Variants in F13A1 observed in about 807,000 individuals in gnomAD.
F13A1 encodes the protein coagulation factor XIII A chain, also known as FSF, A subunit.
F13A1 carries 47 observed loss-of-function variants against 80.1 expected under a neutral mutation model. The ratio of observed to expected loss-of-function variants is 0.59; its 90% CI spans 0.46 to 0.75. The LOEUF (loss-of-function observed/expected upper bound fraction) is 0.75, where lower values mean the gene tolerates loss of function less well. F13A1 is among the 30% of genes least tolerant of loss of function. F13A1 has a pLI of 0.00. For synonymous variants in F13A1, 349 were observed against 344.9 expected, an observed-to-expected ratio of 1.01 and a Z score of -0.13; for missense variants, 817 against 930.4, an observed-to-expected ratio of 0.88 and a Z score of 1.59.
chr6:6,314,314 T>TGCTTTACAAATAATTA (rs1758649733), intron 2 of F13A1, among the ~76,000 whole-genome samples: 1 of 152,154 alleles, frequency 6.6e-6, no homozygotes, highest in Non-Finnish European at 1.5e-5. Flanking sequence ...ATTCTGATTA[T>TGCTTTACAAATAATTA]GTATTTCTGC....
chr6:6,236,091 AAC>A (rs1381289589), intron 6 of F13A1, among the ~76,000 whole-genome samples: 2 of 152,144 alleles, frequency 1.3e-5, no homozygotes, highest in Non-Finnish European at 2.9e-5. Context: ...AAGTCTAGAA[AAC>A]ACAAATCAAT....
intron 8 of F13A1, among the ~76,000 whole-genome samples, chr6:6,203,533 T>C (rs1422759869): frequency 1.3e-5 from 2 of 152,206 alleles, no homozygotes; most frequent in South Asian, 2.1e-4. Context: ...GAAGCATCTA[T>C]GAGTTCTACA....
rs567291589 is a variant in F13A1, at chr6:6,279,694, T to C, written c.320-12885A>G. On this transcript the variant is annotated intron_variant, in intron 3 of 14. Coordinates refer to ENST00000264870, the MANE Select transcript of F13A1 (RefSeq NM_000129.4). ...TTTCCCCCAGCAAATGGCAAGTCTATGGAGCCAAAGCACCATTTGCTCATT... is the reference window on the plus strand; with the variant it reads ...TTTCCCCCAGCAAATGGCAAGTCTACGGAGCCAAAGCACCATTTGCTCATT... Among the ~76,000 whole-genome samples the C allele has an allele frequency of 1.8e-4, 27 of 152,350 alleles. No individual in the cohort carries two copies. In the South Asian group the frequency reaches 5.6e-3, roughly 32 times the overall value.
intron 6 of F13A1, among the ~76,000 whole-genome samples, chr6:6,231,611 T>C (rs563394952): frequency 5.9e-5 from 9 of 152,300 alleles, no homozygotes; most frequent in Admixed American, 4.6e-4. Flanking sequence ...GATCTTTGCC[T>C]AGGCACATTG....
rs57716665 is a variant in F13A1 at position 6,316,078 on chromosome 6, CATATATATATATAT to C, written c.130+2443_130+2456del. ...GTTTGTGTGCTGCTATGTGTGTGTG[CATATATATATATAT>C]ATATATATATATATATATATATATA... On this transcript the variant is annotated intron_variant, in intron 2 of 14. Transcript: ENST00000264870. Among the ~76,000 whole-genome samples, 117 of 34,918 alleles carry C rather than the reference CATATATATATATAT, an allele frequency of 3.4e-3. 4 individuals are homozygous for C. Among genetic ancestry groups the C allele is most frequent in the South Asian group, 8.3e-3 (7 of 840 alleles). The allele number at this position is 34,918 out of a possible 152,430, so 22.9% of individuals were successfully genotyped here.
intron 13 of F13A1, among the ~76,000 whole-genome samples, chr6:6,164,194 A>G (rs1035760762): frequency 4.6e-5 from 7 of 152,176 alleles, no homozygotes; most frequent in Non-Finnish European, 1.0e-4. Flanking sequence ...TGAAAAAAAA[A>G]GCCCATGGAG....
Position 6,222,261 on chromosome 6 carries a change from C to G in F13A1, c.974-90G>C, listed in dbSNP as rs538081400. On this transcript the variant is annotated intron_variant, in intron 7 of 14. Coordinates refer to ENST00000264870, the MANE Select transcript of F13A1 (RefSeq NM_000129.4). Reference sequence around the variant, plus strand: ...ACCCTTCTTGTAGGGGACTTTCTTCCTGACCCAACATGAAAAGCCCTTTGG... The same window carrying G: ...ACCCTTCTTGTAGGGGACTTTCTTCGTGACCCAACATGAAAAGCCCTTTGG... The G allele has an allele frequency of 9.7e-6, 15 of 1,546,202 alleles. No homozygotes were observed. The Admixed American group carries it at 1.2e-4, about 12-fold the overall frequency.
intron 3 of F13A1, among the ~76,000 whole-genome samples, chr6:6,293,657 C>G (rs1758264998): frequency 6.6e-6 from 1 of 151,684 alleles, no homozygotes; most frequent in Non-Finnish European, 1.5e-5. Context: ...CTTCTCTACT[C>G]AGAGCCCAGC....
chr6:6,273,165 G>T (rs553996132), intron 3 of F13A1, among the ~76,000 whole-genome samples: 1 of 152,260 alleles, frequency 6.6e-6, no homozygotes, highest in African/African-American at 2.4e-5. Flanking sequence ...TGCCAGAAAA[G>T]CCCAAACAAA....
chr6:6,290,671 C>T (rs4960186), intron 3 of F13A1, among the ~76,000 whole-genome samples: 31,649 of 152,058 alleles, frequency 0.21, 3,515 homozygotes, highest in Admixed American at 0.28. Flanking sequence ...TCATAGAGAA[C>T]ACACTCTGGG....
chr6:6,173,404 CTTTTCTT>C (rs1177980411), intron 12 of F13A1, among the ~76,000 whole-genome samples: 1 of 144,054 alleles, frequency 6.9e-6, no homozygotes, highest in African/African-American at 2.6e-5. Flanking sequence ...AGCCTCCATT[CTTTTCTT>C]TTTTTTTTTT....
intron 13 of F13A1, among the ~76,000 whole-genome samples, 180 bp downstream of exon 13, chr6:6,167,278 T>C (rs1237509303): frequency 1.3e-5 from 2 of 151,986 alleles, no homozygotes; most frequent in Non-Finnish European, 2.9e-5. Context: ...TGTCTATATA[T>C]AGGGCAGTTT....
chr6:6,318,313 G>A (rs531762155), intron 2 of F13A1, among the ~76,000 whole-genome samples: 3 of 152,248 alleles, frequency 2.0e-5, no homozygotes, highest in African/African-American at 7.2e-5. Flanking sequence ...GAGGTTACAA[G>A]GTCAGTAAGG....
Position 6,145,497 on chromosome 6 carries a change from C to T in F13A1, c.*122G>A, listed in dbSNP as rs1760260676. On this transcript the variant is annotated 3_prime_UTR_variant, in exon 15 of 15. Transcript: ENST00000264870. ...TATGTGGGATCTCCACTCTGGAGCCCTCTGCAGTCCTGTCTGGGTCTTCAC... is the reference window on the plus strand; with the variant it reads ...TATGTGGGATCTCCACTCTGGAGCCTTCTGCAGTCCTGTCTGGGTCTTCAC... 5 of 1,259,082 alleles carry T rather than the reference C, an allele frequency of 4.0e-6. No individual in the cohort carries two copies. Among genetic ancestry groups the T allele is most frequent in the Admixed American group, 1.7e-5 (1 of 57,228 alleles). The allele number at this position is 1,259,082 out of a possible 1,614,324, so 78.0% of individuals were successfully genotyped here.
At chr6:6,300,514 G>A (rs188562432) in intron 3 of F13A1, among the ~76,000 whole-genome samples, 174 of 152,116 alleles carry the variant, frequency 1.1e-3, no homozygotes, top group Admixed American at 4.8e-3. Context: ...TCCAGGTGCC[G>A]TCCGTCACCC....
At chr6:6,266,845 A>G (rs1757852611) in intron 3 of F13A1, 36 bp from the exon 4 acceptor site, 1 of 1,613,774 alleles carries the variant, frequency 6.2e-7, no homozygotes, top group Admixed American at 1.7e-5. Flanking sequence ...TGTTAGGTTG[A>G]TTTCACAAGC....
intron 11 of F13A1, among the ~76,000 whole-genome samples, chr6:6,180,716 T>G (rs1760965246): frequency 6.6e-6 from 1 of 152,192 alleles, no homozygotes; most frequent in African/African-American, 2.4e-5. Flanking sequence ...ATGAAGCATT[T>G]AAAAAATACA....
chr6:6,296,579 T>C (rs1758331592), intron 3 of F13A1, among the ~76,000 whole-genome samples: 1 of 150,792 alleles, frequency 6.6e-6, no homozygotes, highest in Non-Finnish European at 1.5e-5. Context: ...ATGCTTGTGA[T>C]TTTTGTACAT....
chr6:6,231,251 C>T (rs1473985395), intron 6 of F13A1, among the ~76,000 whole-genome samples: 1 of 151,978 alleles, frequency 6.6e-6, no homozygotes, highest in Non-Finnish European at 1.5e-5. Flanking sequence ...ATTCAGGAAA[C>T]TTTGCACACA....
Sources: allele counts gnomAD v4.1 joint callset (sites outside exome capture counted in the v4.1 genomes callset), GRCh38; gene constraint gnomAD v4.1.1; transcripts MANE v1.5; gene names NCBI Gene and HGNC (gene_info 2026-07-23, HGNC 2026-07-21).